Variants in TCF25 observed in about 807,000 individuals in gnomAD.
TCF25 encodes the protein TCF25 ribosome quality control complex subunit, also known as ribosome quality control complex subunit TCF25.
Under a neutral mutation model 83.1 loss-of-function variants are expected in TCF25, and 41 were observed. The ratio of observed to expected loss-of-function variants is 0.49; its 90% CI spans 0.38 to 0.64. The LOEUF (loss-of-function observed/expected upper bound fraction) is 0.64. Among genes scored for constraint, TCF25 ranks in the 30% least tolerant of loss-of-function variants. TCF25 has a pLI of 0.00. For missense variants in TCF25, 979 were observed against 914.5 expected, an observed-to-expected ratio of 1.07 and a Z score of -0.91; for synonymous variants, 458 against 365.0, an observed-to-expected ratio of 1.25 and a Z score of -2.90.
At chr16:89,909,218 C>A (rs2045336933) in intron 16 of TCF25, 2 of 1,172,698 alleles carry the variant, frequency 1.7e-6, no homozygotes, top group African/African-American at 3.2e-5. Context: ...ACTAAAAATA[C>A]AAAACTTAGC....
At chr16:89,887,139 T>G (rs9806950) in intron 4 of TCF25, among the ~76,000 whole-genome samples, 6,434 of 151,858 alleles carry the variant, frequency 0.042, 487 homozygotes, top group African/African-American at 0.15. Flanking sequence ...GCTCAGGAGA[T>G]TCTCTTGCCT....
At chr16:89,905,201 T>G (rs1012144245) in intron 14 of TCF25, 105 bp downstream of exon 14, 2 of 1,409,226 alleles carry the variant, frequency 1.4e-6, no homozygotes, top group African/African-American at 1.4e-5. Flanking sequence ...TGTGAGCAGC[T>G]TGGCCTCCCT....
intron 6 of TCF25, 118 bp downstream of exon 6, chr16:89,892,393 G>T (rs1009103826): frequency 4.4e-6 from 5 of 1,135,198 alleles, no homozygotes; most frequent in South Asian, 3.0e-5. Flanking sequence ...GAGGGCGGCG[G>T]GGGGGTGTGT....
chr16:89,876,234 T>A (rs1462642725), intron 1 of TCF25, among the ~76,000 whole-genome samples: 1 of 152,190 alleles, frequency 6.6e-6, no homozygotes, highest in Non-Finnish European at 1.5e-5. Flanking sequence ...GTGGCACACA[T>A]CAGTCTTAAT....
rs143051938 is a variant in TCF25 at position 89,906,279 on chromosome 16, C to A, written c.1714C>A (p.Pro572Thr). The change falls in exon 15 of 18, where the codon CCC (proline) becomes ACC (threonine). Residue 572 changes from proline (P) to threonine (T), a missense_variant. Pro to Thr is a conservative substitution (Grantham distance 38). Transcript: ENST00000263346. ...GATCAAGGAAGCCGTCGCTGCCCTG[C>A]CCCCGGTAAGGGAGAAAGGCTGAAA... ...SEIKEAVAALPPDVTTQSVMG... is the reference protein window; with the variant it reads ...SEIKEAVAALTPDVTTQSVMG... The A allele has an allele frequency of 6.2e-6, 10 of 1,612,804 alleles. No homozygotes were observed. The Admixed American group carries it at 1.7e-4, about 27-fold the overall frequency.
chr16:89,876,010 A>G (rs1242800723), intron 1 of TCF25, among the ~76,000 whole-genome samples: 1 of 151,026 alleles, frequency 6.6e-6, no homozygotes, highest in African/African-American at 2.4e-5. Context: ...CCATTTAAAT[A>G]TTTAATCTTT....
intron 16 of TCF25, among the ~76,000 whole-genome samples, chr16:89,908,687 C>T (rs1459215243): frequency 7.4e-6 from 1 of 134,426 alleles, no homozygotes; most frequent in Non-Finnish European, 1.6e-5. Flanking sequence ...TCCCAGCTCC[C>T]ACCTCCCGCC....
intron 1 of TCF25, among the ~76,000 whole-genome samples, chr16:89,882,051 C>A (rs969490848): frequency 2.6e-5 from 4 of 152,208 alleles, no homozygotes; most frequent in Non-Finnish European, 5.9e-5. Flanking sequence ...CCACCGTGCC[C>A]GGTCAGCCTC....
intron 5 of TCF25, among the ~76,000 whole-genome samples, chr16:89,888,493 G>A (rs1161781674): frequency 6.6e-6 from 1 of 151,312 alleles, no homozygotes; most frequent in South Asian, 2.1e-4. Flanking sequence ...GGAGGCTGAG[G>A]CAGGAGAATC....
intron 12 of TCF25, among the ~76,000 whole-genome samples, chr16:89,901,447 CCTT>C (rs950792195): frequency 2.0e-4 from 30 of 150,270 alleles, no homozygotes; most frequent in African/African-American, 6.9e-4. Context: ...TGAAATCCCT[CCTT>C]AAGACGGGCC....
intron 16 of TCF25, among the ~76,000 whole-genome samples, chr16:89,908,340 TTCCCACC>T (rs1228011053): frequency 1.1e-5 from 1 of 94,606 alleles, no homozygotes; most frequent in Admixed American, 1.1e-4. Context: ...TTCCTCACAG[TTCCCACC>T]TCCCAGCTCC....
At chr16:89,877,998 C>G (rs1230224640) in intron 1 of TCF25, among the ~76,000 whole-genome samples, 1 of 152,114 alleles carries the variant, frequency 6.6e-6, no homozygotes, top group Non-Finnish European at 1.5e-5. Flanking sequence ...ACATTCCAGG[C>G]TAGGGTTGGT....
intron 11 of TCF25, among the ~76,000 whole-genome samples, chr16:89,899,331 T>A (rs191043849): frequency 1.3e-5 from 2 of 152,318 alleles, no homozygotes; most frequent in Admixed American, 6.5e-5. Flanking sequence ...TTGAGCTCTG[T>A]CCCCAGTAAC....
At chr16:89,883,243 C>T in intron 1 of TCF25, 108 bp from the exon 2 acceptor site, 1 of 1,476,458 alleles carries the variant, frequency 6.8e-7, no homozygotes, top group South Asian at 1.3e-5. Flanking sequence ...CTCGCACTGA[C>T]CCTGGGGGTC....
intron 17 of TCF25, 41 bp downstream of exon 17, chr16:89,910,704 G>C: frequency 1.3e-6 from 2 of 1,599,990 alleles, no homozygotes; most frequent in Non-Finnish European, 8.6e-7. Flanking sequence ...CCCAGTGGGT[G>C]CGGGCATATC....
intron 1 of TCF25, among the ~76,000 whole-genome samples, chr16:89,876,522 C>G (rs563050308): frequency 6.6e-6 from 1 of 152,262 alleles, no homozygotes; most frequent in South Asian, 2.1e-4. Flanking sequence ...CCTTGGCCTC[C>G]CAAAGTGCTG....
intron 15 of TCF25, among the ~76,000 whole-genome samples, chr16:89,906,498 G>T: frequency 6.6e-6 from 1 of 152,090 alleles, no homozygotes; most frequent in East Asian, 1.9e-4. Context: ...ATCCTTTGGG[G>T]CTCAGAGCAC....
rs777563573 is a variant in TCF25, at chr16:89,904,935, C to T, written c.1470-3C>T. The T allele has an allele frequency of 6.2e-7, 1 of 1,603,356 alleles. No homozygotes were observed. The highest frequency in any genetic ancestry group is 1.1e-5 in the South Asian group (1 of 89,230). ...TCTGCTCAGAGCCCTTGCTCTCCCC[C>T]AGCCAGCCCCCTGCCCTGAGCCAGC... On this transcript the variant is annotated splice_polypyrimidine_tract_variant and splice_region_variant and intron_variant, in intron 13 of 17. Coordinates refer to ENST00000263346, the MANE Select transcript of TCF25 (RefSeq NM_014972.3).
At chr16:89,886,432 A>T (rs371799174) in intron 4 of TCF25, among the ~76,000 whole-genome samples, 125 of 149,856 alleles carry the variant, frequency 8.3e-4, no homozygotes, top group African/African-American at 2.0e-3. Flanking sequence ...TGTCTCAAAA[A>T]AATAATAATA....
Sources: gnomAD v4.1 joint callset for allele counts (sites outside exome capture counted in the v4.1 genomes callset) on GRCh38, gnomAD v4.1.1 for gene constraint, MANE v1.5 for transcripts, NCBI Gene and HGNC (gene_info 2026-07-23, HGNC 2026-07-21) for gene names.